The following AIDA variants were observed in gnomAD, a reference collection of about 807,000 sequenced individuals.
AIDA encodes the protein axin interactor, dorsalization-associated protein.
AIDA carries 18 observed loss-of-function variants against 42.7 expected under a neutral mutation model. The ratio of observed to expected loss-of-function variants is 0.42; its 90% CI spans 0.29 to 0.63. The LOEUF is 0.63. Among genes scored for constraint, AIDA ranks in the 20% least tolerant of loss-of-function variants. AIDA has a pLI of 0.19. For synonymous variants in AIDA, 104 were observed against 122.9 expected (o/e 0.85, Z 1.02); for missense variants, 250 against 354.1 (o/e 0.71, Z 2.36).
chr1:222,706,446 T>C (rs78131049), intron 1 of AIDA, among the ~76,000 whole-genome samples: 266 of 151,704 alleles, frequency 1.8e-3, no homozygotes, highest in African/African-American at 6.2e-3. Context: ...AGTGAAAGGA[T>C]ACACCAAATA....
intron 4 of AIDA, among the ~76,000 whole-genome samples, chr1:222,692,957 C>T (rs1341474204): frequency 3.3e-5 from 5 of 152,138 alleles, no homozygotes; most frequent in Non-Finnish European, 5.9e-5. Context: ...CCAACCTAGT[C>T]CAACATACTG....
chr1:222,694,058 C>A (rs902096930), intron 3 of AIDA, 152 bp downstream of exon 3: 1 of 845,466 alleles, frequency 1.2e-6, no homozygotes. Flanking sequence ...TTACAATTTA[C>A]GAAATATGAA....
chr1:222,680,961 G>A lies in AIDA; in HGVS notation c.461-4743C>T, dbSNP rs183645179. 5.9e-4 allele frequency among the ~76,000 whole-genome samples: 89 copies of A among 152,002 alleles called. 1 individual carries two copies. The highest frequency in any genetic ancestry group is 1.8e-3 in the Admixed American group (28 of 15,270). ...ATTTAAAAGGCTCTATTCCCAAACC[G>A]CGCAATAAGTGGACACAAGAGATGA... On this transcript the variant is annotated intron_variant, in intron 6 of 9. Coordinates refer to ENST00000340020, the MANE Select transcript of AIDA (RefSeq NM_022831.4).
chr1:222,703,348 G>T, intron 1 of AIDA, 131 bp from the exon 2 acceptor site: 2 of 501,964 alleles, frequency 4.0e-6, no homozygotes, highest in Non-Finnish European at 3.2e-6. Flanking sequence ...TCTACATTGA[G>T]AACCAAATTC....
chr1:222,705,812 A>G (rs959001914), intron 1 of AIDA, among the ~76,000 whole-genome samples: 4 of 152,102 alleles, frequency 2.6e-5, no homozygotes, highest in African/African-American at 9.7e-5. Flanking sequence ...TGAACCCGGG[A>G]GGCAAAGGGT....
intron 4 of AIDA, among the ~76,000 whole-genome samples, chr1:222,693,507 AT>A (rs1655430162): frequency 6.6e-6 from 1 of 152,308 alleles, no homozygotes; most frequent in East Asian, 1.9e-4. Flanking sequence ...GCTGCTGCAA[AT>A]GTTTACCAAA....
At chr1:222,693,880 C>T in intron 3 of AIDA, 37 bp from the exon 4 acceptor site, 1 of 1,510,996 alleles carries the variant, frequency 6.6e-7, no homozygotes, top group Non-Finnish European at 9.2e-7. Flanking sequence ...CTTTTCACTA[C>T]AAGGATTTCA....
At chr1:222,706,402 C>T (rs182354774) in intron 1 of AIDA, among the ~76,000 whole-genome samples, 15 of 151,976 alleles carry the variant, frequency 9.9e-5, no homozygotes, top group Non-Finnish European at 1.8e-4. Context: ...TAGTAACAGT[C>T]CAAAAGTAGA....
chr1:222,668,381 G>T lies in AIDA; in HGVS notation c.*1512C>A, dbSNP rs529323458. 77 of 114,042 alleles carry T rather than the reference G, an allele frequency of 6.8e-4. No individual in the cohort carries two copies. Among genetic ancestry groups the T allele is most frequent in the African/African-American group, 2.4e-3 (70 of 29,352 alleles). 7.1% of individuals were successfully genotyped at this position (114,042 alleles called of 1,614,324 possible). On this transcript the variant is annotated 3_prime_UTR_variant, in exon 10 of 10. Transcript: ENST00000340020. The stretch of plus-strand genomic sequence containing the variant: ...AGTCTTAGGAACTGGGCAAAGTAAG[G>T]CAAATTCTTCATCCCCTAGAGCTAT...
At chr1:222,694,402 A>C (rs1655459189) in intron 2 of AIDA, 139 bp from the exon 3 acceptor site, 3 of 771,092 alleles carry the variant, frequency 3.9e-6, no homozygotes, top group Non-Finnish European at 6.4e-6. Flanking sequence ...CATCTTTCAG[A>C]CTCTAGAGAA....
intron 6 of AIDA, among the ~76,000 whole-genome samples, chr1:222,683,154 AT>A (rs1664682240): frequency 6.6e-6 from 1 of 152,200 alleles, no homozygotes; most frequent in Admixed American, 6.5e-5. Flanking sequence ...CATTGAAATA[AT>A]ATCGTATGTA....
chr1:222,671,929 T>A (rs190312321), intron 8 of AIDA, among the ~76,000 whole-genome samples: 22 of 152,360 alleles, frequency 1.4e-4, no homozygotes, highest in Non-Finnish European at 2.4e-4. Context: ...AATACTAAAG[T>A]TCAAATATGT....
intron 6 of AIDA, among the ~76,000 whole-genome samples, chr1:222,685,602 A>G: frequency 1.3e-5 from 2 of 152,350 alleles, no homozygotes; most frequent in Middle Eastern, 3.4e-3. Flanking sequence ...TATACTTCCT[A>G]AAGTAAACTA....
intron 4 of AIDA, among the ~76,000 whole-genome samples, chr1:222,689,717 T>C (rs1156751227): frequency 4.6e-5 from 7 of 151,456 alleles, no homozygotes; most frequent in Non-Finnish European, 8.8e-5. Flanking sequence ...ATAAAGTTTA[T>C]ATACAGTAAA....
At chr1:222,679,284 T>A (rs1664610826) in intron 6 of AIDA, among the ~76,000 whole-genome samples, 1 of 151,988 alleles carries the variant, frequency 6.6e-6, no homozygotes, top group Non-Finnish European at 1.5e-5. Context: ...AAAAGAAGAA[T>A]GAACACATTC....
intron 2 of AIDA, among the ~76,000 whole-genome samples, chr1:222,694,584 A>G (rs1209788739): frequency 6.6e-6 from 1 of 152,320 alleles, no homozygotes; most frequent in East Asian, 1.9e-4. Context: ...TTTCTTCTCC[A>G]TAAAGCCTAA....
At chr1:222,698,448 ATTTTT>A (rs36041357) in intron 2 of AIDA, among the ~76,000 whole-genome samples, 2 of 127,368 alleles carry the variant, frequency 1.6e-5, no homozygotes, top group Non-Finnish European at 3.4e-5. Flanking sequence ...TTATTCATCA[ATTTTT>A]TTTTTTTTTT....
At chr1:222,698,078 T>C (rs762388549) in intron 2 of AIDA, among the ~76,000 whole-genome samples, 1 of 152,204 alleles carries the variant, frequency 6.6e-6, no homozygotes, top group Non-Finnish European at 1.5e-5. Flanking sequence ...TTGGCAGCTA[T>C]TCATTGGTTA....
chr1:222,671,018 A>G (rs1664437791), intron 8 of AIDA, among the ~76,000 whole-genome samples: 1 of 152,088 alleles, frequency 6.6e-6, no homozygotes, highest in Non-Finnish European at 1.5e-5. Flanking sequence ...CAGGAGTTTG[A>G]GACCAGCCTG....
Sources: gnomAD v4.1 joint callset for allele counts (sites outside exome capture counted in the v4.1 genomes callset) on GRCh38, gnomAD v4.1.1 for gene constraint, MANE v1.5 for transcripts, NCBI Gene and HGNC (gene_info 2026-07-23, HGNC 2026-07-21) for gene names.